SH3PXD2A: variants seen among roughly 807,000 people sequenced by gnomAD.
SH3PXD2A encodes SH3 and PX domain-containing protein 2A.
A neutral mutation model predicts 115.2 loss-of-function variants in SH3PXD2A; 32 were observed. That is an observed-to-expected ratio of 0.28 (90% confidence interval 0.21 to 0.37). SH3PXD2A has a LOEUF of 0.37. SH3PXD2A is among the 10% of genes least tolerant of loss of function. SH3PXD2A has a pLI of 1.00. For missense variants in SH3PXD2A, 1,328 were observed against 1,498.7 expected, an observed-to-expected ratio of 0.89 and a Z score of 1.88; for synonymous variants, 610 against 629.1, an observed-to-expected ratio of 0.97 and a Z score of 0.45.
chr10:103,608,165 A>AAAAGTTTAC (rs2036360627), intron 13 of SH3PXD2A, among the ~76,000 whole-genome samples: 2 of 146,144 alleles, frequency 1.4e-5, no homozygotes, highest in Middle Eastern at 3.4e-3. Flanking sequence ...AAAAAAAAAA[A>AAAAGTTTAC]AAAAAGAACA....
chr10:103,622,555 T>C lies in SH3PXD2A; in HGVS notation c.719-2A>G. On this transcript the variant is annotated splice_acceptor_variant, in intron 9 of 14. Transcript: ENST00000369774. LOFTEE classifies it high-confidence loss of function. ...GATGGGCCTTGCGTCTCTTGGACAC[T>C]GGTGTGGGAGATGGCGATGGAGCAT... is the stretch of plus-strand genomic sequence containing the variant. The C allele has an allele frequency of 6.5e-7, 1 of 1,546,174 alleles. No homozygotes were observed. The highest frequency in any genetic ancestry group is 8.7e-7 in the Non-Finnish European group (1 of 1,144,428).
chr10:103,641,627 C>T (rs182772731), intron 8 of SH3PXD2A, among the ~76,000 whole-genome samples: 1 of 152,330 alleles, frequency 6.6e-6, no homozygotes, highest in African/African-American at 2.4e-5. Context: ...AAATTCCCAT[C>T]TGACAGATGA....
chr10:103,784,672 G>A lies in SH3PXD2A; in HGVS notation c.153+16610C>T, dbSNP rs947996970. ...GGCAGGACAGTCCCAGTAAAAACTC[G>A]GGGGGTGCAGTGAGGAGGCAGGAGG... On this transcript the variant is annotated intron_variant, in intron 2 of 14. Transcript: ENST00000369774. The surrounding 1 kb of genome is among the most constrained non-coding windows in gnomAD (Gnocchi z 4.4). Among the ~76,000 whole-genome samples the A allele has an allele frequency of 5.9e-5, 9 of 152,154 alleles. No individual in the cohort carries two copies. The highest frequency in any genetic ancestry group is 1.0e-4 in the Non-Finnish European group (7 of 68,006).
At chr10:103,704,669 A>T (rs917979864) in intron 5 of SH3PXD2A, among the ~76,000 whole-genome samples, 17 of 152,230 alleles carry the variant, frequency 1.1e-4, no homozygotes, top group Non-Finnish European at 2.2e-4. Flanking sequence ...ACGCAGGACA[A>T]ACGGGCTCCT....
At chr10:103,651,818 C>T (rs1462644038) in intron 8 of SH3PXD2A, among the ~76,000 whole-genome samples, 1 of 152,222 alleles carries the variant, frequency 6.6e-6, no homozygotes, top group Non-Finnish European at 1.5e-5. Context: ...CTTGACCTCC[C>T]CAATAACCCT....
intron 5 of SH3PXD2A, among the ~76,000 whole-genome samples, chr10:103,699,927 G>C (rs893934448): frequency 5.9e-5 from 9 of 152,224 alleles, no homozygotes; most frequent in African/African-American, 1.9e-4. Context: ...CGGAGAGAAG[G>C]GGTCTTGGGG....
rs781615764 is a variant in SH3PXD2A, at chr10:103,602,217, C to A, written c.3001G>T (p.Glu1001Ter). ...NNLSCALRRN[E>*]SLTATDGLRG... ...AGGCCATCAGTGGCCGTGAGTGACTCATTCCTCCGCAGGGCGCAGGACAGG... is the reference window on the plus strand; with the variant it reads ...AGGCCATCAGTGGCCGTGAGTGACTAATTCCTCCGCAGGGCGCAGGACAGG... Residue 1001 changes from glutamate to a stop codon, truncating the protein, a stop_gained, in exon 15 of 15, where the codon GAG becomes TAG. Transcript: ENST00000369774. LOFTEE classifies it high-confidence loss of function. 6.3e-7 allele frequency: 1 copy of A among 1,593,328 alleles called. No homozygotes were observed. Among genetic ancestry groups the A allele is most frequent in the Non-Finnish European group, 8.6e-7 (1 of 1,168,388 alleles).
chr10:103,777,726 C>G (rs2038893894), intron 2 of SH3PXD2A, among the ~76,000 whole-genome samples: 1 of 152,190 alleles, frequency 6.6e-6, no homozygotes, highest in Admixed American at 6.5e-5. Context: ...CCTGCTGACC[C>G]ATGGCCTTTG....
chr10:103,648,355 A>G (rs1362882638), intron 8 of SH3PXD2A, among the ~76,000 whole-genome samples: 1 of 152,180 alleles, frequency 6.6e-6, no homozygotes, highest in Admixed American at 6.5e-5. Flanking sequence ...TAACTTGAGA[A>G]GGACGGGGGA....
At chr10:103,628,072 C>T (rs558273967) in intron 8 of SH3PXD2A, among the ~76,000 whole-genome samples, 8 of 152,332 alleles carry the variant, frequency 5.3e-5, no homozygotes, top group South Asian at 2.1e-4. Flanking sequence ...GGCAAGTGGC[C>T]GCCCAAGGAT....
intron 4 of SH3PXD2A, among the ~76,000 whole-genome samples, chr10:103,729,654 C>A (rs1267389388): frequency 6.6e-6 from 1 of 152,228 alleles, no homozygotes; most frequent in African/African-American, 2.4e-5. Flanking sequence ...CCCCCTCCAA[C>A]CCTGCCATTC....
intron 2 of SH3PXD2A, among the ~76,000 whole-genome samples, chr10:103,767,529 T>C (rs1043732108): frequency 1.3e-5 from 2 of 152,216 alleles, no homozygotes; most frequent in Admixed American, 6.5e-5. Context: ...CTACTTCGTC[T>C]GTGGGGTGAA....
intron 10 of SH3PXD2A, among the ~76,000 whole-genome samples, chr10:103,618,787 T>C (rs887797753): frequency 3.3e-5 from 5 of 152,282 alleles, no homozygotes; most frequent in Admixed American, 6.5e-5. Flanking sequence ...AGCCACCCCC[T>C]GGGCTCCTTG....
chr10:103,768,696 T>G (rs1378195100), intron 2 of SH3PXD2A, among the ~76,000 whole-genome samples: 1 of 152,210 alleles, frequency 6.6e-6, no homozygotes, highest in Non-Finnish European at 1.5e-5. Flanking sequence ...AGGATCCTAC[T>G]GAAGGTGACT....
At chr10:103,718,144 C>T (rs2134164737) in intron 5 of SH3PXD2A, among the ~76,000 whole-genome samples, 2 of 151,988 alleles carry the variant, frequency 1.3e-5, no homozygotes, top group South Asian at 2.1e-4. Flanking sequence ...TAGCGGGGAC[C>T]ACAGGCGTGT....
chr10:103,795,908 AAGGAAGGAAGGAAGGAAGGAAGGC>A lies in SH3PXD2A; in HGVS notation c.153+5350_153+5373del, dbSNP rs1301051502. On this transcript the variant is annotated intron_variant, in intron 2 of 14. Coordinates refer to ENST00000369774, the MANE Select transcript of SH3PXD2A (RefSeq NM_001394015.1). ...AGGGAGAGAGGGAGGGAGGAAAAGGAAGGAAGGAAGGAAGGAAGGAAGGCAGGAAGGAAGGAAGGAAGGAAGGAA... is the reference window on the plus strand; with the variant it reads ...AGGGAGAGAGGGAGGGAGGAAAAGGAAGGAAGGAAGGAAGGAAGGAAGGAA... Among the ~76,000 whole-genome samples the A allele has an allele frequency of 5.1e-4, 50 of 98,712 alleles. No homozygotes were observed. In the East Asian group the frequency reaches 5.1e-3, roughly 10 times the overall value. The allele number at this position is 98,712 out of a possible 152,430, so 64.8% of individuals were successfully genotyped here.
At chr10:103,679,104 T>A (rs2037577697) in intron 6 of SH3PXD2A, among the ~76,000 whole-genome samples, 1 of 152,164 alleles carries the variant, frequency 6.6e-6, no homozygotes, top group Admixed American at 6.5e-5. Flanking sequence ...CTCAGTAAAT[T>A]AGGCTCAGCA....
intron 11 of SH3PXD2A, among the ~76,000 whole-genome samples, chr10:103,614,763 G>A (rs895491950): frequency 9.8e-4 from 115 of 116,932 alleles, no homozygotes; most frequent in African/African-American, 3.1e-3. Context: ...CTCCCCCCCC[G>A]CCCCGCCCAC....
intron 1 of SH3PXD2A, among the ~76,000 whole-genome samples, chr10:103,806,631 A>G (rs887630058): frequency 1.3e-5 from 2 of 152,208 alleles, no homozygotes; most frequent in African/African-American, 2.4e-5. Context: ...GGGTCTCAAG[A>G]AAAGTTTGGC....
Sources: allele counts gnomAD v4.1 joint callset (sites outside exome capture counted in the v4.1 genomes callset), GRCh38; gene constraint gnomAD v4.1.1; non-coding constraint Gnocchi (gnomAD v3.1); transcripts MANE v1.5; gene names NCBI Gene and HGNC (gene_info 2026-07-23, HGNC 2026-07-21).